MAGI2: variants seen among roughly 807,000 people sequenced by gnomAD.
MAGI2 encodes the protein membrane-associated guanylate kinase, WW and PDZ domain-containing protein 2.
In MAGI2, 35 loss-of-function variants were observed where a neutral mutation model predicts 133.3. That is an observed-to-expected ratio of 0.26 (90% CI 0.20 to 0.35). The LOEUF is 0.35. MAGI2 is among the 10% of genes least tolerant of loss of function. The probability of loss-of-function intolerance (pLI) is 1.00; values close to 1 mark genes in which losing one functional copy is unlikely to be tolerated. For missense variants in MAGI2, 1,636 were observed against 1,863.4 expected (o/e 0.88, Z 2.25); for synonymous variants, 729 against 710.6 (o/e 1.03, Z -0.41).
rs774015952 is a variant in MAGI2 at position 78,638,731 on chromosome 7, A to AT, written c.419-11493dup. ...CTTGACTTGACTATTAATTTCCTGA[A>AT]TTTTTTAAGAGACTGGAAGAAGACA... On this transcript the variant is annotated intron_variant, in intron 2 of 21. Transcript: ENST00000354212. 7.2e-5 allele frequency among the ~76,000 whole-genome samples: 11 copies of AT among 152,274 alleles called. No homozygotes were observed. The South Asian group carries it at 1.2e-3, about 17-fold the overall frequency.
At chr7:78,210,522 G>A (rs1248398791) in intron 10 of MAGI2, among the ~76,000 whole-genome samples, 3 of 152,180 alleles carry the variant, frequency 2.0e-5, no homozygotes, top group African/African-American at 7.2e-5. Context: ...GGCAAAATAA[G>A]TCGGAGGTGC....
chr7:79,410,776 C>G (rs1184524828), intron 1 of MAGI2: 1 of 151,844 alleles, frequency 6.6e-6, no homozygotes, highest in Non-Finnish European at 1.5e-5. Context: ...ATAGTGATTG[C>G]CAAAAGTAAA....
At chr7:78,690,671 T>C (rs1298442362) in intron 2 of MAGI2, among the ~76,000 whole-genome samples, 1 of 152,230 alleles carries the variant, frequency 6.6e-6, no homozygotes, top group Admixed American at 6.5e-5. Context: ...GGGCTTTAGA[T>C]TTAAATTCTG....
Position 79,121,422 on chromosome 7 carries a change from T to G in MAGI2, c.302-114216A>C, listed in dbSNP as rs946682131. Among the ~76,000 whole-genome samples the G allele has an allele frequency of 3.9e-5, 6 of 152,234 alleles. No homozygotes were observed. The East Asian group carries it at 7.7e-4, about 20-fold the overall frequency. The stretch of plus-strand genomic sequence containing the variant: ...TTGGAACCTTTCTTTTGTTTCTTTT[T>G]TCTAAAAAAAAAAATTTTTACTTAA... On this transcript the variant is annotated intron_variant, in intron 1 of 21. Coordinates refer to ENST00000354212, the MANE Select transcript of MAGI2 (RefSeq NM_012301.4).
chr7:79,244,321 T>G (rs1355666935), intron 1 of MAGI2, among the ~76,000 whole-genome samples: 3 of 152,078 alleles, frequency 2.0e-5, no homozygotes, highest in Admixed American at 6.6e-5. Context: ...CAGTACCTGG[T>G]TTTTAACCTC....
chr7:78,442,656 G>A (rs1787743099), intron 6 of MAGI2, among the ~76,000 whole-genome samples: 1 of 152,070 alleles, frequency 6.6e-6, no homozygotes. Flanking sequence ...TGCTCTCTCG[G>A]CTGTGATTTT....
At chr7:79,219,798 T>C (rs1033883904) in intron 1 of MAGI2, among the ~76,000 whole-genome samples, 1 of 152,064 alleles carries the variant, frequency 6.6e-6, no homozygotes, top group Non-Finnish European at 1.5e-5. Context: ...GCCATCTGCA[T>C]AGGCTATCTG....
intron 1 of MAGI2, among the ~76,000 whole-genome samples, chr7:79,232,295 A>T (rs1410723833): frequency 6.8e-6 from 1 of 147,214 alleles, no homozygotes; most frequent in Admixed American, 6.8e-5. Context: ...TATCAGAATG[A>T]TGCTGGCCTC....
chr7:78,765,692 A>G (rs1824954745), intron 2 of MAGI2, among the ~76,000 whole-genome samples: 1 of 152,154 alleles, frequency 6.6e-6, no homozygotes, highest in Non-Finnish European at 1.5e-5. Context: ...GAAGTCCTAC[A>G]GATAGATACG....
intron 1 of MAGI2, among the ~76,000 whole-genome samples, chr7:79,287,414 C>T (rs1331518244): frequency 1.3e-5 from 2 of 152,068 alleles, no homozygotes; most frequent in African/African-American, 4.8e-5. Flanking sequence ...CCTTAGACGC[C>T]TCCCTCCCAA....
At chr7:79,092,288 G>A (rs1377173126) in intron 1 of MAGI2, among the ~76,000 whole-genome samples, 1 of 152,026 alleles carries the variant, frequency 6.6e-6, no homozygotes, top group African/African-American at 2.4e-5. Flanking sequence ...TTTACTAATT[G>A]GTATGCCCTG....
intron 3 of MAGI2, among the ~76,000 whole-genome samples, chr7:78,588,172 C>G (rs930596488): frequency 1.3e-5 from 2 of 152,204 alleles, no homozygotes; most frequent in African/African-American, 2.4e-5. Context: ...AACGTTAGCC[C>G]TCTTTTCTCT....
chr7:78,410,084 C>A (rs1050513292), intron 6 of MAGI2, among the ~76,000 whole-genome samples: 1 of 151,912 alleles, frequency 6.6e-6, no homozygotes, highest in African/African-American at 2.4e-5. Flanking sequence ...CCCGGGAAAG[C>A]TAAAAGAATA....
intron 2 of MAGI2, among the ~76,000 whole-genome samples, chr7:78,673,289 CACAG>C (rs1267136466): frequency 1.3e-5 from 2 of 152,002 alleles, no homozygotes; most frequent in East Asian, 3.9e-4. Flanking sequence ...TATTCACACA[CACAG>C]ACACACACAC....
At chr7:78,195,746 G>A (rs1459729894) in intron 11 of MAGI2, among the ~76,000 whole-genome samples, 4 of 152,112 alleles carry the variant, frequency 2.6e-5, no homozygotes, top group East Asian at 3.8e-4. Context: ...TTTCACATAC[G>A]TGATCTTCTT....
chr7:78,433,560 G>A (rs556979496), intron 6 of MAGI2, among the ~76,000 whole-genome samples: 1 of 152,024 alleles, frequency 6.6e-6, no homozygotes, highest in Non-Finnish European at 1.5e-5. Flanking sequence ...GTGTAGTAAA[G>A]GATGTCCCAA....
intron 1 of MAGI2, among the ~76,000 whole-genome samples, chr7:79,110,010 G>A (rs1562899776): frequency 6.6e-6 from 1 of 152,186 alleles, no homozygotes; most frequent in East Asian, 1.9e-4. Flanking sequence ...CCCAGTCTTG[G>A]CTCAAAGGGC....
chr7:78,386,844 T>A (rs17150631), intron 6 of MAGI2, among the ~76,000 whole-genome samples: 26,274 of 152,082 alleles, frequency 0.17, 2,443 homozygotes, highest in South Asian at 0.23. Flanking sequence ...GGCTTTAATA[T>A]ATGGAATCAC....
At chr7:78,955,789 C>CTTTCTTTCTTTCTTT (rs1802328667) in intron 2 of MAGI2, among the ~76,000 whole-genome samples, 1 of 69,296 alleles carries the variant, frequency 1.4e-5, no homozygotes, top group African/African-American at 5.5e-5. Flanking sequence ...TTCTTTCTTT[C>CTTTCTTTCTTTCTTT]ATTTCTTTCG....
Sources: allele counts gnomAD v4.1 joint callset (sites outside exome capture counted in the v4.1 genomes callset), GRCh38; gene constraint gnomAD v4.1.1; transcripts MANE v1.5; gene names NCBI Gene and HGNC (gene_info 2026-07-23, HGNC 2026-07-21).